The following SYT6 variants were observed in gnomAD, a reference collection of about 807,000 sequenced individuals.
SYT6 encodes synaptotagmin 6.
Under a neutral mutation model 38.4 loss-of-function variants are expected in SYT6, and 24 were observed. The ratio of observed to expected loss-of-function variants is 0.62; its 90% CI spans 0.45 to 0.88. The LOEUF is 0.88. Among genes scored for constraint, SYT6 ranks in the 40% least tolerant of loss-of-function variants. The pLI is 0.00. For synonymous variants in SYT6, 265 were observed against 241.9 expected (o/e 1.10, Z -0.89); for missense variants, 611 against 621.0 (o/e 0.98, Z 0.17).
intron 1 of SYT6, among the ~76,000 whole-genome samples, chr1:114,145,516 T>G (rs71662858): frequency 0.016 from 1,894 of 120,540 alleles, 30 homozygotes; most frequent in South Asian, 0.1. Flanking sequence ...TTTTTTTTTT[T>G]TTTTTTTTTT....
At chr1:114,132,659 C>A (rs1678223703) in intron 3 of SYT6, among the ~76,000 whole-genome samples, 1 of 152,148 alleles carries the variant, frequency 6.6e-6, no homozygotes, top group African/African-American at 2.4e-5. Context: ...TGTCCAACAA[C>A]CAGTCAGAAC....
chr1:114,111,276 A>G (rs1295832145), intron 3 of SYT6, among the ~76,000 whole-genome samples: 2 of 152,224 alleles, frequency 1.3e-5, no homozygotes, highest in Non-Finnish European at 2.9e-5. Flanking sequence ...GTATGATGTC[A>G]TATAATCTTC....
intron 6 of SYT6, among the ~76,000 whole-genome samples, chr1:114,096,614 T>C (rs1675655956): frequency 1.3e-5 from 2 of 152,138 alleles, no homozygotes. Context: ...AATGGGCTTG[T>C]CCTCCATGAG....
At chr1:114,121,293 T>C (rs557299963) in intron 3 of SYT6, among the ~76,000 whole-genome samples, 1 of 152,304 alleles carries the variant, frequency 6.6e-6, no homozygotes, top group East Asian at 1.9e-4. Flanking sequence ...CTATCCCTCC[T>C]TGGAGCCTTG....
intron 7 of SYT6, 58 bp from the exon 8 acceptor site, chr1:114,092,140 G>A (rs1675341435): frequency 6.7e-7 from 1 of 1,493,590 alleles, no homozygotes; most frequent in African/African-American, 1.4e-5. Context: ...ATTTCAACTT[G>A]CAAAACTGAA....
At chr1:114,108,566 G>C (rs1676470418) in intron 3 of SYT6, among the ~76,000 whole-genome samples, 1 of 152,186 alleles carries the variant, frequency 6.6e-6, no homozygotes, top group Admixed American at 6.5e-5. Context: ...TCAGCCATGA[G>C]AACCCAAGAT....
chr1:114,094,273 G>A (rs187373946), intron 6 of SYT6, among the ~76,000 whole-genome samples: 56 of 152,338 alleles, frequency 3.7e-4, no homozygotes, highest in Non-Finnish European at 4.1e-4. Flanking sequence ...GCTCTGAAAT[G>A]GCAGCATACC....
At chr1:114,134,061 G>A (rs475852) in intron 3 of SYT6, among the ~76,000 whole-genome samples, 52,853 of 152,116 alleles carry the variant, frequency 0.35, 9,851 homozygotes, top group South Asian at 0.5. Context: ...AGCAACACAG[G>A]CAGCATTCAC....
In SYT6 at chr1:114,137,711, C is replaced by T. The variant is rs779579979; in HGVS notation, c.855G>A (p.Val285=). Residue 285 remains valine (V), a synonymous_variant, in exon 3 of 8, where the codon GTG becomes GTA. Coordinates refer to ENST00000610222, the MANE Select transcript of SYT6 (RefSeq NM_001253772.2). ...PDRKCKLQTR[V]HRKTLNPTFD... is the part of the protein sequence containing the mutation. ...AGGTGGGGTTCAGGGTCTTGCGGTGCACCCGGGTCTGCAGCTTGCATTTGC... is the reference window on the plus strand; with the variant it reads ...AGGTGGGGTTCAGGGTCTTGCGGTGTACCCGGGTCTGCAGCTTGCATTTGC... 1.7e-5 allele frequency: 27 copies of T among 1,613,770 alleles called. No individual in the cohort carries two copies. Among genetic ancestry groups the T allele is most frequent in the Non-Finnish European group, 2.2e-5 (26 of 1,179,820 alleles).
At position 114,130,628 on chromosome 1, in the gene SYT6, T is replaced by A. The variant is rs1427953818; in HGVS notation, c.1071+6867A>T. On this transcript the variant is annotated intron_variant, in intron 3 of 7. Coordinates refer to ENST00000610222, the MANE Select transcript of SYT6 (RefSeq NM_001253772.2). The stretch of plus-strand genomic sequence containing the variant: ...TTTCCTTTTAATGTAATGTAAATAA[T>A]TGTGTTCCTTTCATTAGCTTTTTAC... Among the ~76,000 whole-genome samples the A allele has an allele frequency of 2.0e-5, 3 of 152,214 alleles. No individual in the cohort carries two copies. The East Asian group carries it at 5.8e-4, about 29-fold the overall frequency.
Position 114,137,639 on chromosome 1 carries a change from G to A in SYT6, c.927C>T (p.Asp309=). The change falls in exon 3 of 8, where the codon GAC becomes GAT. Residue 309 remains aspartate, a synonymous_variant. Coordinates refer to ENST00000610222, the MANE Select transcript of SYT6 (RefSeq NM_001253772.2). ...CGAAGACACTGAGATGCAGCTTGCG[G>A]TCAGCCAGCTCCTCATAGGGCACAG... ...HFPVPYEELA[D]RKLHLSVFDF... is the part of the protein sequence containing the mutation. 6.2e-7 allele frequency: 1 copy of A among 1,614,184 alleles called. No individual in the cohort carries two copies. Among genetic ancestry groups the A allele is most frequent in the Non-Finnish European group, 8.5e-7 (1 of 1,180,028 alleles).
intron 7 of SYT6, among the ~76,000 whole-genome samples, chr1:114,092,338 C>CTCTCTCTCTCTGTG (rs991723002): frequency 3.1e-5 from 4 of 128,488 alleles, no homozygotes; most frequent in African/African-American, 1.1e-4. Flanking sequence ...CTCTCTCTCT[C>CTCTCTCTCTCTGTG]TGTGTGTGTG....
chr1:114,138,078 A>G (rs757401269), intron 2 of SYT6, 25 bp from the exon 3 acceptor site: 9 of 1,602,584 alleles, frequency 5.6e-6, no homozygotes, highest in Middle Eastern at 1.7e-4. Context: ...GAGGGGGCAG[A>G]GGGAGTGTGG....
intron 3 of SYT6, among the ~76,000 whole-genome samples, chr1:114,133,809 T>G (rs1419957810): frequency 6.6e-6 from 1 of 152,214 alleles, no homozygotes; most frequent in Non-Finnish European, 1.5e-5. Flanking sequence ...TGGAACAATC[T>G]GGGCTGGGGA....
chr1:114,097,951 G>T, intron 5 of SYT6, 74 bp from the exon 6 acceptor site: 2 of 1,556,916 alleles, frequency 1.3e-6, no homozygotes, highest in South Asian at 2.3e-5. Flanking sequence ...TGTGGGGGGT[G>T]GTAGGACTCT....
At chr1:114,122,768 G>A (rs1011793314) in intron 3 of SYT6, among the ~76,000 whole-genome samples, 4 of 152,144 alleles carry the variant, frequency 2.6e-5, no homozygotes, top group Admixed American at 6.5e-5. Context: ...CCTTTCAGCA[G>A]GAGTTGGAGT....
At chr1:114,134,543 C>T (rs573442150) in intron 3 of SYT6, among the ~76,000 whole-genome samples, 4 of 152,272 alleles carry the variant, frequency 2.6e-5, no homozygotes, top group Admixed American at 2.0e-4. Context: ...CAGGATATAA[C>T]TCGGGGATAC....
intron 6 of SYT6, 68 bp downstream of exon 6, chr1:114,097,659 C>T (rs1675712141): frequency 6.3e-7 from 1 of 1,575,952 alleles, no homozygotes; most frequent in African/African-American, 1.3e-5. Flanking sequence ...GTCACTGCAG[C>T]TGACTGCCAT....
At chr1:114,146,022 T>A (rs1049390004) in intron 1 of SYT6, among the ~76,000 whole-genome samples, 1 of 152,082 alleles carries the variant, frequency 6.6e-6, no homozygotes, top group African/African-American at 2.4e-5. Context: ...TTTTTTGGAA[T>A]CAGCACCCAG....
Sources: allele counts gnomAD v4.1 joint callset (sites outside exome capture counted in the v4.1 genomes callset), GRCh38; gene constraint gnomAD v4.1.1; transcripts MANE v1.5; gene names NCBI Gene and HGNC (gene_info 2026-07-23, HGNC 2026-07-21).